The following MCMBP variants were observed in gnomAD, a reference collection of about 807,000 sequenced individuals.
MCMBP encodes minichromosome maintenance complex binding protein, also known as mini-chromosome maintenance complex-binding protein.
In MCMBP, 31 loss-of-function variants were observed where a neutral mutation model predicts 81.3. That is an observed-to-expected ratio of 0.38 (90% CI 0.29 to 0.51). The LOEUF (loss-of-function observed/expected upper bound fraction) is 0.51, where lower values mean the gene tolerates loss of function less well. Ranked by LOEUF, MCMBP falls within the 20% of genes least tolerant of loss-of-function variation. MCMBP has a pLI of 0.87. For synonymous variants in MCMBP, 267 were observed against 275.9 expected (o/e 0.97, Z 0.32); for missense variants, 645 against 772.1 (o/e 0.84, Z 1.95).
In MCMBP at chr10:119,830,945, T is replaced by C. The variant is rs1297384474; in HGVS notation, c.*529A>G. Reference sequence around the variant, plus strand: ...GGGAAAAAGTTTCTGTGGCCAAACATCTGGGAAATGACAGTACAGAATTTC... The same window carrying C: ...GGGAAAAAGTTTCTGTGGCCAAACACCTGGGAAATGACAGTACAGAATTTC... On this transcript the variant is annotated 3_prime_UTR_variant, in exon 16 of 16. Coordinates refer to ENST00000369077, the MANE Select transcript of MCMBP (RefSeq NM_001256378.2). The C allele has an allele frequency of 6.6e-6, 1 of 152,358 alleles. No homozygotes were observed. Among genetic ancestry groups the C allele is most frequent in the Non-Finnish European group, 1.5e-5 (1 of 68,044 alleles). 9.4% of individuals were successfully genotyped at this position (152,358 alleles called of 1,614,324 possible). A position where few individuals can be genotyped will look rare whatever the true frequency, so the allele number is the denominator to read the frequency against.
rs760582159 is a variant in MCMBP, at chr10:119,857,410, T to C, written c.357A>G (p.Pro119=). The C allele has an allele frequency of 1.2e-6, 2 of 1,611,074 alleles. No individual in the cohort carries two copies. The highest frequency in any genetic ancestry group is 3.3e-5 in the Admixed American group (2 of 59,922). The part of the protein sequence containing the change: ...GPQQELDLNS[P]RNTTLERQTF... ...TCTGTCTTTCCAAAGTGGTATTTCGTGGAGAGTTTAAATCAAGTTCTTGTT... is the reference window on the plus strand; with the variant it reads ...TCTGTCTTTCCAAAGTGGTATTTCGCGGAGAGTTTAAATCAAGTTCTTGTT... Residue 119 remains proline (P), a synonymous_variant, in exon 5 of 16, where the codon CCA becomes CCG. Coordinates refer to ENST00000369077, the MANE Select transcript of MCMBP (RefSeq NM_001256378.2).
At chr10:119,835,069 A>G in intron 14 of MCMBP, among the ~76,000 whole-genome samples, 1 of 152,178 alleles carries the variant, frequency 6.6e-6, no homozygotes, top group Middle Eastern at 3.2e-3. Context: ...TTTTTTCTCT[A>G]AAAGACAACT....
At chr10:119,846,581 C>A (rs1308327351) in intron 8 of MCMBP, among the ~76,000 whole-genome samples, 1 of 152,170 alleles carries the variant, frequency 6.6e-6, no homozygotes, top group Admixed American at 6.5e-5. Flanking sequence ...CTGGAAGTCA[C>A]CACCTTAACC....
At chr10:119,845,419 A>C (rs1852583099) in intron 8 of MCMBP, among the ~76,000 whole-genome samples, 1 of 152,222 alleles carries the variant, frequency 6.6e-6, no homozygotes. Flanking sequence ...GTTAATAAAA[A>C]AAATTAAAAA....
chr10:119,872,008 A>C (rs1342606889), intron 1 of MCMBP, among the ~76,000 whole-genome samples: 1 of 152,336 alleles, frequency 6.6e-6, no homozygotes, highest in East Asian at 1.9e-4. Flanking sequence ...TGAACATTAA[A>C]TCTTATCTCT....
At chr10:119,854,060 T>G (rs1354300382) in intron 5 of MCMBP, among the ~76,000 whole-genome samples, 1 of 148,528 alleles carries the variant, frequency 6.7e-6, no homozygotes, top group African/African-American at 2.5e-5. Flanking sequence ...TTTTTTTTTT[T>G]GAGACAGTCT....
At position 119,838,538 on chromosome 10, in the gene MCMBP, G is replaced by C. The variant is rs769429268; in HGVS notation, c.1405C>G (p.Pro469Ala). Residue 469 changes from proline (P) to alanine (A), a missense_variant, in exon 12 of 16, where the codon CCA becomes GCA. Pro to Ala is a conservative substitution (Grantham distance 27). Coordinates refer to ENST00000369077, the MANE Select transcript of MCMBP (RefSeq NM_001256378.2). Reference sequence around the variant, plus strand: ...AGAGAAACATCTATGTACGTACCTGGGGTATCCAGCTGCCCCTGTTCCAGG... The same window carrying C: ...AGAGAAACATCTATGTACGTACCTGCGGTATCCAGCTGCCCCTGTTCCAGG... ...TLLEQGQLDT[P>A]GVHNVTALSN... The C allele has an allele frequency of 1.2e-6, 2 of 1,613,708 alleles. No individual in the cohort carries two copies. Among genetic ancestry groups the C allele is most frequent in the Admixed American group, 1.7e-5 (1 of 59,978 alleles).
At chr10:119,852,584 C>G (rs1002317468) in intron 6 of MCMBP, among the ~76,000 whole-genome samples, 26 of 152,130 alleles carry the variant, frequency 1.7e-4, no homozygotes, top group African/African-American at 6.0e-4. Context: ...GTTGAAGTGA[C>G]AGGGGATCAC....
rs1483980605 is a variant in MCMBP at position 119,840,956 on chromosome 10, T to C, written c.1129A>G (p.Thr377Ala). ...LILHLISTVYTRRDVLPLGKF... is the reference protein window; with the variant it reads ...LILHLISTVYARRDVLPLGKF... ...CCTAGTGGAAGGACATCTCTTCTTGTATATCTAGAAAAGAAAGAAATCAAT... is the reference window on the plus strand; with the variant it reads ...CCTAGTGGAAGGACATCTCTTCTTGCATATCTAGAAAAGAAAGAAATCAAT... The change falls in exon 11 of 16, where the codon ACA becomes GCA. Residue 377 changes from threonine (T) to alanine (A), a missense_variant. Transcript: ENST00000369077. The C allele has an allele frequency of 1.9e-6, 3 of 1,570,438 alleles. No homozygotes were observed. The African/African-American group carries it at 4.1e-5, about 21-fold the overall frequency.
At chr10:119,845,475 T>C (rs1336075722) in intron 8 of MCMBP, among the ~76,000 whole-genome samples, 1 of 152,002 alleles carries the variant, frequency 6.6e-6, no homozygotes, top group African/African-American at 2.4e-5. Context: ...AAGAAAAAGG[T>C]AGAAATAAAA....
At chr10:119,853,325 G>A (rs17099349) in intron 5 of MCMBP, 131 bp from the exon 6 acceptor site, 63,785 of 891,210 alleles carry the variant, frequency 0.072, 3,883 homozygotes, top group South Asian at 0.25. Flanking sequence ...ATAAAAGGAG[G>A]CTAGACTTCC....
intron 1 of MCMBP, among the ~76,000 whole-genome samples, chr10:119,864,589 T>G (rs1180599246): frequency 6.6e-6 from 1 of 152,124 alleles, no homozygotes; most frequent in African/African-American, 2.4e-5. Context: ...ATTGATTTTT[T>G]TTTTAAAGAG....
Position 119,831,465 on chromosome 10 carries a change from A to G in MCMBP, c.*9T>C. 1 of 1,613,726 alleles carries G rather than the reference A, an allele frequency of 6.2e-7. No homozygotes were observed. The highest frequency in any genetic ancestry group is 8.5e-7 in the Non-Finnish European group (1 of 1,179,756). Reference sequence around the variant, plus strand: ...AGTTTGCCCATTACTCTTCATAGGTATTACATCTTTAAAGTTCATTTCCAT... The same window carrying G: ...AGTTTGCCCATTACTCTTCATAGGTGTTACATCTTTAAAGTTCATTTCCAT... On this transcript the variant is annotated 3_prime_UTR_variant, in exon 16 of 16. Transcript: ENST00000369077.
chr10:119,833,055 T>C (rs1053289085), intron 14 of MCMBP, among the ~76,000 whole-genome samples: 8 of 152,202 alleles, frequency 5.3e-5, no homozygotes, highest in African/African-American at 1.4e-4. Context: ...TGGCTAAGTG[T>C]TGAACTGAGG....
At position 119,858,342 on chromosome 10, in the gene MCMBP, C is replaced by T. The variant is rs552095972; in HGVS notation, c.327+542G>A. The T allele has an allele frequency of 2.0e-5, 3 of 151,072 alleles. No individual in the cohort carries two copies. In the East Asian group the frequency reaches 5.8e-4, roughly 29 times the overall value. 9.4% of individuals were successfully genotyped at this position (151,072 alleles called of 1,614,324 possible). ...CCTTAGGCCTAGAAAGAAAGGCAAA[C>T]AAAAAAATCCTTGCTTGTATGTATT... On this transcript the variant is annotated intron_variant, in intron 4 of 15. Transcript: ENST00000369077.
In MCMBP at chr10:119,830,349, A is replaced by G. The variant is rs1440513614; in HGVS notation, c.*1125T>C. 6.6e-6 allele frequency: 1 copy of G among 152,314 alleles called. No homozygotes were observed. The highest frequency in any genetic ancestry group is 6.5e-5 in the Admixed American group (1 of 15,282). 9.4% of individuals were successfully genotyped at this position (152,314 alleles called of 1,614,324 possible). Reference sequence around the variant, plus strand: ...AACCATGCTACTACAGTCTGTTGTTAGTTTGCTCTATTAAAACTAATTGGT... The same window carrying G: ...AACCATGCTACTACAGTCTGTTGTTGGTTTGCTCTATTAAAACTAATTGGT... On this transcript the variant is annotated 3_prime_UTR_variant, in exon 16 of 16. Transcript: ENST00000369077.
Position 119,857,383 on chromosome 10 carries a change from A to C in MCMBP, c.384T>G (p.Thr128=). ...SPRNTTLERQ[T]FYCVPVPGES... ...CCCCAGGCACCGGAACACAATAGAA[A>C]GTCTGTCTTTCCAAAGTGGTATTTC... Residue 128 remains threonine (T), a synonymous_variant, in exon 5 of 16, where the codon ACT becomes ACG. Coordinates refer to ENST00000369077, the MANE Select transcript of MCMBP (RefSeq NM_001256378.2). The C allele has an allele frequency of 6.2e-7, 1 of 1,611,848 alleles. No homozygotes were observed. The highest frequency in any genetic ancestry group is 8.5e-7 in the Non-Finnish European group (1 of 1,178,368).
At chr10:119,838,358 A>T (rs997433013) in intron 12 of MCMBP, among the ~76,000 whole-genome samples, 177 bp downstream of exon 12, 5 of 151,398 alleles carry the variant, frequency 3.3e-5, no homozygotes, top group African/African-American at 1.2e-4. Flanking sequence ...ATGGCAAAAC[A>T]TAGTTGGTGT....
At chr10:119,837,577 T>C (rs1852289723) in intron 12 of MCMBP, among the ~76,000 whole-genome samples, 1 of 152,206 alleles carries the variant, frequency 6.6e-6, no homozygotes, top group South Asian at 2.1e-4. Context: ...GATCTATTAT[T>C]TCTCAGACAT....
Sources: allele counts gnomAD v4.1 joint callset (sites outside exome capture counted in the v4.1 genomes callset), GRCh38; gene constraint gnomAD v4.1.1; transcripts MANE v1.5; gene names NCBI Gene and HGNC (gene_info 2026-07-23, HGNC 2026-07-21).